GLI3: variants seen among roughly 807,000 people sequenced by gnomAD.
GLI3 encodes GLI family zinc finger 3.
A neutral mutation model predicts 100.8 loss-of-function variants in GLI3; 20 were observed. That is an observed-to-expected ratio of 0.20 (90% CI 0.14 to 0.29). The LOEUF (loss-of-function observed/expected upper bound fraction) is 0.29, where lower values mean the gene tolerates loss of function less well. Among genes scored for constraint, GLI3 ranks in the 10% least tolerant of loss-of-function variants. The pLI, the probability that GLI3 is intolerant of heterozygous loss-of-function variation, is 1.00. For synonymous variants in GLI3, 938 were observed against 860.5 expected (o/e 1.09, Z -1.58); for missense variants, 2,040 against 2,128.5 (o/e 0.96, Z 0.82).
chr7:41,973,056 T>C (rs1232497729), intron 12 of GLI3, among the ~76,000 whole-genome samples: 3 of 152,214 alleles, frequency 2.0e-5, no homozygotes, highest in African/African-American at 7.2e-5. Flanking sequence ...TCAGAAGAGA[T>C]TGTGTGACAA....
chr7:42,064,306 T>G (rs1784631128), intron 4 of GLI3, among the ~76,000 whole-genome samples: 1 of 152,208 alleles, frequency 6.6e-6, no homozygotes, highest in Non-Finnish European at 1.5e-5. Context: ...TTTAAATTTT[T>G]CCATAATCAT....
intron 1 of GLI3, among the ~76,000 whole-genome samples, chr7:42,230,425 G>T (rs1788676480): frequency 6.6e-6 from 1 of 152,164 alleles, no homozygotes; most frequent in South Asian, 2.1e-4. Flanking sequence ...ACTCTAAGGG[G>T]AAATAATTGC....
chr7:41,967,994 G>T, intron 13 of GLI3, 71 bp from the exon 14 acceptor site: 1 of 1,116,080 alleles, frequency 9.0e-7, no homozygotes, highest in Non-Finnish European at 1.4e-6. Flanking sequence ...AATAATGAGA[G>T]CTCATGCATA....
intron 2 of GLI3, among the ~76,000 whole-genome samples, chr7:42,152,846 A>G (rs1040864449): frequency 6.6e-6 from 1 of 152,232 alleles, no homozygotes; most frequent in South Asian, 2.1e-4. Context: ...AGGATTGTAC[A>G]GGAATGCATA....
At chr7:42,002,051 G>C (rs992675599) in intron 10 of GLI3, among the ~76,000 whole-genome samples, 1 of 148,604 alleles carries the variant, frequency 6.7e-6, no homozygotes, top group Non-Finnish European at 1.5e-5. Flanking sequence ...GGAAAACATG[G>C]CAAGACACAC....
At chr7:42,146,705 A>G (rs1786717949) in intron 3 of GLI3, among the ~76,000 whole-genome samples, 1 of 152,218 alleles carries the variant, frequency 6.6e-6, no homozygotes, top group African/African-American at 2.4e-5. Context: ...GGGTCTATAA[A>G]TACAGGTAGA....
In GLI3 at chr7:41,972,057, T is replaced by TACAGACACGCTGGAGAG. The variant is rs1787376581; in HGVS notation, c.2103+263_2103+279dup. 6.6e-6 allele frequency among the ~76,000 whole-genome samples: 1 copy of TACAGACACGCTGGAGAG among 152,208 alleles called. No individual in the cohort carries two copies. Among genetic ancestry groups the TACAGACACGCTGGAGAG allele is most frequent in the Non-Finnish European group, 1.5e-5 (1 of 68,036 alleles). On this transcript the variant is annotated intron_variant, in intron 13 of 14. Coordinates refer to ENST00000395925, the MANE Select transcript of GLI3 (RefSeq NM_000168.6). The surrounding 1 kb of genome is among the most constrained non-coding windows in gnomAD (Gnocchi z 4.4). ...AGAGTCAATGAATGATTTTCGACATTACAGACACGCTGGAGAGACAGACAG... is the reference window on the plus strand; with the variant it reads ...AGAGTCAATGAATGATTTTCGACATTACAGACACGCTGGAGAGACAGACACGCTGGAGAGACAGACAG...
chr7:41,978,538 C>A, intron 11 of GLI3, 61 bp downstream of exon 11: 4 of 1,534,368 alleles, frequency 2.6e-6, no homozygotes, highest in Non-Finnish European at 3.6e-6. Flanking sequence ...CATCAGTTTG[C>A]ACAGCTCTTA....
chr7:42,049,936 G>A (rs559679516), intron 4 of GLI3, among the ~76,000 whole-genome samples: 1 of 152,180 alleles, frequency 6.6e-6, no homozygotes, highest in Non-Finnish European at 1.5e-5. Flanking sequence ...ATGAAAGGGA[G>A]GGGGAAACAC....
intron 3 of GLI3, among the ~76,000 whole-genome samples, chr7:42,103,165 C>T (rs1785504536): frequency 6.6e-6 from 1 of 152,182 alleles, no homozygotes; most frequent in African/African-American, 2.4e-5. Flanking sequence ...GCCTCTCCAC[C>T]AGCTGAGTGT....
chr7:42,121,662 G>A (rs1035341481), intron 3 of GLI3, among the ~76,000 whole-genome samples: 5 of 152,096 alleles, frequency 3.3e-5, no homozygotes, highest in African/African-American at 4.8e-5. Context: ...CCAAACTGGG[G>A]AGTGACAGCT....
Position 42,218,770 on chromosome 7 carries a change from G to A in GLI3, c.124+4360C>T, listed in dbSNP as rs183504959. Among the ~76,000 whole-genome samples the A allele has an allele frequency of 1.5e-3, 226 of 152,202 alleles. 1 individual carries two copies. Among genetic ancestry groups the A allele is most frequent in the Non-Finnish European group, 2.1e-3 (143 of 68,008 alleles). On this transcript the variant is annotated intron_variant, in intron 2 of 14. Transcript: ENST00000395925. ...AATTTCTGCTTTCTATCACTTTAAA[G>A]TATGTTCCCAATAACTATCAGATCT...
chr7:42,211,636 G>A (rs1454212324), intron 2 of GLI3, among the ~76,000 whole-genome samples: 2 of 152,126 alleles, frequency 1.3e-5, no homozygotes, highest in Non-Finnish European at 2.9e-5. Context: ...ATAGGTAAGG[G>A]TCTCAGATTA....
intron 3 of GLI3, among the ~76,000 whole-genome samples, chr7:42,096,448 C>T (rs1184678386): frequency 3.3e-5 from 5 of 152,172 alleles, no homozygotes; most frequent in Non-Finnish European, 7.3e-5. Flanking sequence ...AGCAGGCTCA[C>T]GGGAGAAACT....
intron 2 of GLI3, among the ~76,000 whole-genome samples, chr7:42,203,921 C>T (rs558644195): frequency 6.6e-6 from 1 of 152,236 alleles, no homozygotes; most frequent in Admixed American, 6.5e-5. Context: ...ATCGCTTGAA[C>T]CCAAGAAGTG....
chr7:42,235,832 G>A (rs184506365), intron 1 of GLI3, among the ~76,000 whole-genome samples: 15 of 152,326 alleles, frequency 9.8e-5, no homozygotes, highest in Non-Finnish European at 2.1e-4. Flanking sequence ...GGAACAGCTG[G>A]CAAAGAGCTG....
intron 13 of GLI3, among the ~76,000 whole-genome samples, chr7:41,970,882 T>A (rs1166381609): frequency 1.3e-5 from 2 of 152,096 alleles, no homozygotes; most frequent in Non-Finnish European, 2.9e-5. Context: ...TAGGCTTTAT[T>A]TTAAGAATAG....
At chr7:42,129,377 A>G (rs527589911) in intron 3 of GLI3, among the ~76,000 whole-genome samples, 20 of 152,344 alleles carry the variant, frequency 1.3e-4, no homozygotes, top group African/African-American at 4.1e-4. Flanking sequence ...TAAAATTAAG[A>G]TAAAAAATTT....
At chr7:42,032,895 C>A (rs1789333276) in intron 7 of GLI3, among the ~76,000 whole-genome samples, 1 of 152,206 alleles carries the variant, frequency 6.6e-6, no homozygotes, top group African/African-American at 2.4e-5. Context: ...ACATTCTTAA[C>A]CCTTCCCTAA....
Sources: allele counts gnomAD v4.1 joint callset (sites outside exome capture counted in the v4.1 genomes callset), GRCh38; gene constraint gnomAD v4.1.1; non-coding constraint Gnocchi (gnomAD v3.1); transcripts MANE v1.5; gene names NCBI Gene and HGNC (gene_info 2026-07-23, HGNC 2026-07-21).